Variants in CDH4 observed in about 807,000 individuals in gnomAD.
CDH4 encodes cadherin-4.
In CDH4, 33 loss-of-function variants were observed where a neutral mutation model predicts 86.0. The observed-to-expected ratio is 0.38, with a 90% CI of 0.29 to 0.51. CDH4 has a LOEUF of 0.51. Ranked by LOEUF, CDH4 falls within the 20% of genes least tolerant of loss-of-function variation. CDH4 has a pLI of 0.86. For missense variants in CDH4, 1,114 were observed against 1,307.4 expected (o/e 0.85, Z 2.28); for synonymous variants, 555 against 549.4 (o/e 1.01, Z -0.14).
At chr20:61,821,720 A>C (rs1363911384) in intron 4 of CDH4, among the ~76,000 whole-genome samples, 1 of 152,232 alleles carries the variant, frequency 6.6e-6, no homozygotes. Flanking sequence ...GATCTACAGG[A>C]AGGTTTTCCT....
rs781470379 is a variant in CDH4 at position 61,934,146 on chromosome 20, G to A, written c.2470G>A (p.Val824Met). 7 of 1,610,572 alleles carry A rather than the reference G, an allele frequency of 4.3e-6. No homozygotes were observed. The highest frequency in any genetic ancestry group is 5.1e-6 in the Non-Finnish European group (6 of 1,178,848). Reference sequence around the variant, plus strand: ...CGTGCGTCGCGTGGATGAGCGGCCGGTGGGCGCTGAGCCCCAGTACCCGAT... The same window carrying A: ...CGTGCGTCGCGTGGATGAGCGGCCGATGGGCGCTGAGCCCCAGTACCCGAT... ...PGVRRVDERPVGAEPQYPIRP... is the reference protein window; with the variant it reads ...PGVRRVDERPMGAEPQYPIRP... Residue 824 changes from valine to methionine, a missense_variant, in exon 15 of 16, where the codon GTG (valine) becomes ATG (methionine). By Grantham distance (21) the Val-to-Met change is conservative (BLOSUM62 1). This residue lies in a region of CDH4 where 188 missense variants were observed against 183.8 expected (regional missense o/e 1.02). Coordinates refer to ENST00000614565, the MANE Select transcript of CDH4 (RefSeq NM_001794.5).
chr20:61,553,165 A>G (rs2086147295), intron 2 of CDH4, among the ~76,000 whole-genome samples: 1 of 152,264 alleles, frequency 6.6e-6, no homozygotes, highest in Non-Finnish European at 1.5e-5. Context: ...CATTATGCCA[A>G]GTGAATGAAG....
chr20:61,320,323 G>T (rs2084501134), intron 2 of CDH4, among the ~76,000 whole-genome samples: 2 of 152,096 alleles, frequency 1.3e-5, no homozygotes, highest in African/African-American at 4.8e-5. Flanking sequence ...TCTGCCGTGG[G>T]TCAGACCCAG....
At chr20:61,428,310 A>G (rs1316141896) in intron 2 of CDH4, among the ~76,000 whole-genome samples, 2 of 152,220 alleles carry the variant, frequency 1.3e-5, no homozygotes, top group Non-Finnish European at 2.9e-5. Flanking sequence ...CTAAAGCTGA[A>G]TATATGCATA....
intron 2 of CDH4, among the ~76,000 whole-genome samples, chr20:61,299,155 T>C (rs574912054): frequency 9.9e-5 from 15 of 152,268 alleles, no homozygotes; most frequent in Admixed American, 8.5e-4. Flanking sequence ...CAAAGACCCG[T>C]GCTCTTATAA....
At chr20:61,388,627 G>C (rs1297954786) in intron 2 of CDH4, among the ~76,000 whole-genome samples, 2 of 152,200 alleles carry the variant, frequency 1.3e-5, no homozygotes, top group African/African-American at 4.8e-5. Flanking sequence ...TCTGTCGTTA[G>C]CGTTTTTAAA....
intron 4 of CDH4, among the ~76,000 whole-genome samples, chr20:61,816,153 A>AGAAGCAGGTTATCTCCAGGG (rs1980704988): frequency 6.6e-6 from 1 of 152,182 alleles, no homozygotes; most frequent in Non-Finnish European, 1.5e-5. Context: ...AGCCTTGGGA[A>AGAAGCAGGTTATCTCCAGGG]GAAGCAGGTT....
chr20:61,578,972 C>G (rs1366870836), intron 2 of CDH4, among the ~76,000 whole-genome samples: 3 of 152,118 alleles, frequency 2.0e-5, no homozygotes, highest in Admixed American at 6.5e-5. Context: ...TTTCCAGTAC[C>G]CCTGGGCTGG....
intron 2 of CDH4, among the ~76,000 whole-genome samples, chr20:61,318,148 A>G (rs2084487707): frequency 6.6e-6 from 1 of 152,110 alleles, no homozygotes; most frequent in Non-Finnish European, 1.5e-5. Context: ...TGGTGGCAGG[A>G]TGTGTGAAAG....
At chr20:61,643,140 C>T (rs764144189) in intron 2 of CDH4, among the ~76,000 whole-genome samples, 1 of 152,192 alleles carries the variant, frequency 6.6e-6, no homozygotes, top group Non-Finnish European at 1.5e-5. Context: ...CAGGCAGATG[C>T]ATCTGGCCGG....
chr20:61,791,360 A>G (rs1979191041), intron 4 of CDH4, among the ~76,000 whole-genome samples: 1 of 152,242 alleles, frequency 6.6e-6, no homozygotes, highest in Non-Finnish European at 1.5e-5. Context: ...CATCAGCAAC[A>G]AAAATGTGGA....
intron 2 of CDH4, among the ~76,000 whole-genome samples, chr20:61,537,265 A>G (rs2086004054): frequency 7.3e-6 from 1 of 136,222 alleles, no homozygotes; most frequent in Admixed American, 6.8e-5. Context: ...TAGAGGTCTA[A>G]TATTTGAAAT....
intron 2 of CDH4, among the ~76,000 whole-genome samples, chr20:61,554,516 CCTT>C (rs2086159312): frequency 6.6e-6 from 1 of 152,230 alleles, no homozygotes; most frequent in Non-Finnish European, 1.5e-5. Flanking sequence ...CCATAAGGAG[CCTT>C]TCCCCGTGGG....
chr20:61,889,403 G>A (rs1462269995), intron 7 of CDH4, among the ~76,000 whole-genome samples: 1 of 150,676 alleles, frequency 6.6e-6, no homozygotes, highest in Admixed American at 6.6e-5. Flanking sequence ...ATGGATGAGG[G>A]ATGGGTGGGT....
At chr20:61,803,955 G>A (rs535826234) in intron 4 of CDH4, among the ~76,000 whole-genome samples, 15 of 152,268 alleles carry the variant, frequency 9.9e-5, no homozygotes, top group Non-Finnish European at 1.8e-4. Flanking sequence ...CGGAGGTAAT[G>A]GAAGCAGAAA....
chr20:61,919,213 A>G (rs2054940303), intron 9 of CDH4, among the ~76,000 whole-genome samples: 1 of 152,190 alleles, frequency 6.6e-6, no homozygotes. Context: ...GTACTGAAAT[A>G]TCTTATTCAG....
At chr20:61,717,444 TTTTTTGGTTTTTGG>T (rs11469792) in intron 2 of CDH4, 1 of 150,936 alleles carries the variant, frequency 6.6e-6, no homozygotes, top group Admixed American at 6.6e-5. Context: ...TTCGTGGGGT[TTTTTTGGTTTTTGG>T]TTTTTGGTTT....
chr20:61,368,192 A>G (rs143094596), intron 2 of CDH4, among the ~76,000 whole-genome samples: 2,058 of 152,100 alleles, frequency 0.014, 17 homozygotes, highest in Middle Eastern at 0.027. Context: ...AATGATTACA[A>G]CGGGAAAAAA....
At chr20:61,522,427 G>T (rs892716211) in intron 2 of CDH4, among the ~76,000 whole-genome samples, 1 of 152,306 alleles carries the variant, frequency 6.6e-6, no homozygotes, top group African/African-American at 2.4e-5. Flanking sequence ...GTGCTGCGCC[G>T]TCCCTGACAC....
Sources: allele counts gnomAD v4.1 joint callset (sites outside exome capture counted in the v4.1 genomes callset), GRCh38; gene constraint gnomAD v4.1.1; regional missense constraint gnomAD v4.1.1; transcripts MANE v1.5; gene names NCBI Gene and HGNC (gene_info 2026-07-23, HGNC 2026-07-21).